Variants in SYNJ2 observed in about 807,000 individuals in gnomAD.
The protein encoded by SYNJ2 is synaptojanin 2, also known as polyphosphatidylinositol phosphatase SYNJ2.
In SYNJ2, 116 loss-of-function variants were observed where a neutral mutation model predicts 141.3. The ratio of observed to expected loss-of-function variants is 0.82; its 90% confidence interval spans 0.71 to 0.96. The LOEUF (loss-of-function observed/expected upper bound fraction) is 0.96, where lower values mean the gene tolerates loss of function less well. Among genes scored for constraint, SYNJ2 ranks in the 40% least tolerant of loss-of-function variants. The pLI is 0.00. For missense variants in SYNJ2, 1,873 were observed against 1,934.8 expected (o/e 0.97, Z 0.60); for synonymous variants, 745 against 777.7 (o/e 0.96, Z 0.70).
At chr6:157,991,072 A>G (rs1007605080) in intron 1 of SYNJ2, among the ~76,000 whole-genome samples, 7 of 152,186 alleles carry the variant, frequency 4.6e-5, no homozygotes, top group African/African-American at 1.7e-4. Context: ...AGCATGTGCC[A>G]CGCCAGGAGA....
intron 1 of SYNJ2, among the ~76,000 whole-genome samples, chr6:158,002,586 G>A (rs764725369): frequency 2.6e-5 from 4 of 152,222 alleles, no homozygotes; most frequent in African/African-American, 7.2e-5. Context: ...GGGTGATTGT[G>A]CAAGGCAGTG....
Position 158,086,950 on chromosome 6 carries a change from C to T in SYNJ2, c.3304C>T (p.Pro1102Ser), listed in dbSNP as rs1346601633. 1.9e-6 allele frequency: 3 copies of T among 1,603,552 alleles called. No individual in the cohort carries two copies. Among genetic ancestry groups the T allele is most frequent in the Admixed American group, 1.7e-5 (1 of 59,942 alleles). The change falls in exon 23 of 27, where the codon CCT (proline) becomes TCT (serine). Residue 1102 changes from proline (P) to serine (S), a missense_variant. Coordinates refer to ENST00000355585, the MANE Select transcript of SYNJ2 (RefSeq NM_003898.4). ...PSRSLSVPNR[P>S]RPPQPPQRPP... ...CAGGTCTCTGTCGGTCCCCAACCGGCCTCGGCCACCTCAACCCCCGCAGAG... is the reference window on the plus strand; with the variant it reads ...CAGGTCTCTGTCGGTCCCCAACCGGTCTCGGCCACCTCAACCCCCGCAGAG...
rs780054491 is a variant in SYNJ2, at chr6:158,076,797, C to A, written c.2449+15C>A. 11 of 1,599,018 alleles carry A rather than the reference C, an allele frequency of 6.9e-6. No individual in the cohort carries two copies. Among genetic ancestry groups the A allele is most frequent in the Non-Finnish European group, 9.4e-6 (11 of 1,170,816 alleles). The stretch of plus-strand genomic sequence containing the variant: ...TGATAAAACAGGTGAGGGGGCCGTG[C>A]CCGTTCGAGAGTCGGCAGAGGGTGA... On this transcript the variant is annotated intron_variant, in intron 17 of 26. Transcript: ENST00000355585.
In SYNJ2 at chr6:157,982,362, G is replaced by T. The variant is rs1017006312; in HGVS notation, c.127+274G>T. 6.6e-6 allele frequency among the ~76,000 whole-genome samples: 1 copy of T among 152,098 alleles called. No homozygotes were observed. Among genetic ancestry groups the T allele is most frequent in the Admixed American group, 6.5e-5 (1 of 15,280 alleles). Reference sequence around the variant, plus strand: ...CAGAGGATATGGTTGCTGGATAGCCGGCTGGGGCGCTTTGCGTATTCATGA... The same window carrying T: ...CAGAGGATATGGTTGCTGGATAGCCTGCTGGGGCGCTTTGCGTATTCATGA... On this transcript the variant is annotated intron_variant, in intron 1 of 26. Coordinates refer to ENST00000355585, the MANE Select transcript of SYNJ2 (RefSeq NM_003898.4). The surrounding 1 kb of genome is among the most constrained non-coding windows in gnomAD (Gnocchi z 4.0).
Position 158,043,766 on chromosome 6 carries a change from G to A in SYNJ2, c.795+367G>A, listed in dbSNP as rs1780084721. ...TGTACTGAGGACGTTTCTGAGAGCC[G>A]TGACTCTCATGGAGGGCTTCAGGAA... On this transcript the variant is annotated intron_variant, in intron 5 of 26. Coordinates refer to ENST00000355585, the MANE Select transcript of SYNJ2 (RefSeq NM_003898.4). This position sits in a 1 kb window ranked among gnomAD's most constrained non-coding sequence, Gnocchi z 4.0. Among the ~76,000 whole-genome samples, 1 of 152,256 alleles carries A rather than the reference G, an allele frequency of 6.6e-6. No homozygotes were observed. The highest frequency in any genetic ancestry group is 2.4e-5 in the African/African-American group (1 of 41,534).
chr6:157,981,875 A>G lies in SYNJ2; in HGVS notation c.-87A>G. On this transcript the variant is annotated 5_prime_UTR_variant, in exon 1 of 27. Coordinates refer to ENST00000355585, the MANE Select transcript of SYNJ2 (RefSeq NM_003898.4). This position sits in a 1 kb window ranked among gnomAD's most constrained non-coding sequence, Gnocchi z 6.4. The stretch of plus-strand genomic sequence containing the variant: ...GGCGGCGCAAAGTGAAACTCTGGCA[A>G]GTTGCGGGCGCGCGGGGAGCTGTCG... 8.7e-7 allele frequency: 1 copy of G among 1,145,642 alleles called. No individual in the cohort carries two copies. Among genetic ancestry groups the G allele is most frequent in the Non-Finnish European group, 1.1e-6 (1 of 913,170 alleles). 71.0% of individuals were successfully genotyped at this position (1,145,642 alleles called of 1,614,324 possible).
chr6:158,039,614 A>G (rs1346454808), intron 4 of SYNJ2, among the ~76,000 whole-genome samples: 1 of 152,342 alleles, frequency 6.6e-6, no homozygotes. Context: ...CTTATGGTAC[A>G]GGAGCAGACT....
Position 157,982,255 on chromosome 6 carries a change from G to A in SYNJ2, c.127+167G>A, listed in dbSNP as rs1301748535. 1.3e-5 allele frequency among the ~76,000 whole-genome samples: 2 copies of A among 152,180 alleles called. No individual in the cohort carries two copies. The highest frequency in any genetic ancestry group is 4.8e-5 in the African/African-American group (2 of 41,460). On this transcript the variant is annotated intron_variant, in intron 1 of 26. Transcript: ENST00000355585. This position sits in a 1 kb window ranked among gnomAD's most constrained non-coding sequence, Gnocchi z 4.0. ...TGGCTGTTTGAATGAAGTGGGGCTG[G>A]GGACTCGAGAGAGCACTCTGGCTGG...
intron 16 of SYNJ2, among the ~76,000 whole-genome samples, chr6:158,074,977 T>C (rs7765938): frequency 0.7 from 104,979 of 150,024 alleles, 36,940 homozygotes; most frequent in East Asian, 0.89. Context: ...GTCACCCAGG[T>C]TGGAGTGCAG....
intron 5 of SYNJ2, among the ~76,000 whole-genome samples, chr6:158,044,165 C>T (rs1004437028): frequency 6.6e-6 from 1 of 152,188 alleles, no homozygotes; most frequent in East Asian, 1.9e-4. Context: ...CTCTTCTTAC[C>T]GACAGCTCTC....
chr6:158,050,864 G>C (rs937295919), intron 5 of SYNJ2, among the ~76,000 whole-genome samples: 1 of 152,002 alleles, frequency 6.6e-6, no homozygotes, highest in African/African-American at 2.4e-5. Context: ...GGGGGTTCTG[G>C]TTAGGTGTCA....
rs1218892893 is a variant in SYNJ2 at position 158,043,771 on chromosome 6, T to A, written c.795+372T>A. On this transcript the variant is annotated intron_variant, in intron 5 of 26. Coordinates refer to ENST00000355585, the MANE Select transcript of SYNJ2 (RefSeq NM_003898.4). This position sits in a 1 kb window ranked among gnomAD's most constrained non-coding sequence, Gnocchi z 4.0. ...TGAGGACGTTTCTGAGAGCCGTGAC[T>A]CTCATGGAGGGCTTCAGGAAGGCTC... 6.6e-6 allele frequency among the ~76,000 whole-genome samples: 1 copy of A among 152,152 alleles called. No individual in the cohort carries two copies. The highest frequency in any genetic ancestry group is 1.9e-4 in the East Asian group (1 of 5,188).
intron 1 of SYNJ2, among the ~76,000 whole-genome samples, chr6:157,987,113 A>G (rs554097734): frequency 5.9e-5 from 9 of 152,184 alleles, no homozygotes; most frequent in Admixed American, 2.0e-4. Context: ...TAGCCTTCCG[A>G]GTAGCTGGGA....
intron 1 of SYNJ2, among the ~76,000 whole-genome samples, chr6:157,990,351 G>A (rs935899557): frequency 7.2e-5 from 11 of 152,192 alleles, no homozygotes; most frequent in South Asian, 2.1e-4. Flanking sequence ...TCTCCTTGGC[G>A]TGCCCCAAGC....
intron 1 of SYNJ2, among the ~76,000 whole-genome samples, chr6:158,004,902 C>A (rs900784563): frequency 6.6e-6 from 1 of 151,950 alleles, no homozygotes; most frequent in Admixed American, 6.6e-5. Context: ...TCAGTGGCCA[C>A]GTCGTTGATC....
intron 2 of SYNJ2, 137 bp from the exon 3 acceptor site, chr6:158,028,619 A>C: frequency 8.6e-7 from 1 of 1,157,416 alleles, no homozygotes; most frequent in Non-Finnish European, 1.2e-6. Flanking sequence ...TGAGTTGGGC[A>C]ATGCCATGGG....
In SYNJ2 at chr6:158,078,253, C is replaced by T. The variant is rs770228724; in HGVS notation, c.2539C>T (p.Arg847Cys). ...WSPGALQYYG[R>C]AELQASDHRP... ...TCCTGGTGCCCTGCAGTATTATGGTCGTGCGGAGCTACAAGCGTCTGATCA... is the reference window on the plus strand; with the variant it reads ...TCCTGGTGCCCTGCAGTATTATGGTTGTGCGGAGCTACAAGCGTCTGATCA... Residue 847 changes from arginine (R) to cysteine (C), a missense_variant, in exon 18 of 27, where the codon CGT (arginine) becomes TGT (cysteine). Arg to Cys is a radical substitution (Grantham distance 180). Coordinates refer to ENST00000355585, the MANE Select transcript of SYNJ2 (RefSeq NM_003898.4). 26 of 1,613,750 alleles carry T rather than the reference C, an allele frequency of 1.6e-5. No homozygotes were observed. Among genetic ancestry groups the T allele is most frequent in the Non-Finnish European group, 2.0e-5 (24 of 1,179,724 alleles).
At chr6:158,060,328 C>T (rs747942015) in intron 7 of SYNJ2, among the ~76,000 whole-genome samples, 2 of 152,136 alleles carry the variant, frequency 1.3e-5, no homozygotes, top group Non-Finnish European at 1.5e-5. Context: ...GTGCATGGAT[C>T]CCAGGCCTCC....
intron 5 of SYNJ2, among the ~76,000 whole-genome samples, chr6:158,053,634 C>A (rs1274597155): frequency 1.3e-5 from 2 of 151,848 alleles, no homozygotes; most frequent in African/African-American, 4.8e-5. Context: ...ACCCATCCAC[C>A]TATCCACCTA....
Sources: gnomAD v4.1 joint callset for allele counts (sites outside exome capture counted in the v4.1 genomes callset) on GRCh38, gnomAD v4.1.1 for gene constraint, Gnocchi (gnomAD v3.1) non-coding constraint, MANE v1.5 for transcripts, NCBI Gene and HGNC (gene_info 2026-07-23, HGNC 2026-07-21) for gene names.